GATA5: variants seen among roughly 807,000 people sequenced by gnomAD.
GATA5 encodes the protein GATA binding protein 5.
Under a neutral mutation model 35.0 loss-of-function variants are expected in GATA5, and 27 were observed. The ratio of observed to expected loss-of-function variants is 0.77; its 90% CI spans 0.57 to 1.06. GATA5 has a LOEUF of 1.06. Ranked by LOEUF, GATA5 falls within the 50% of genes least tolerant of loss-of-function variation. GATA5 has a pLI of 0.00. For missense variants in GATA5, 612 were observed against 580.0 expected (o/e 1.06, Z -0.57); for synonymous variants, 306 against 267.8 (o/e 1.14, Z -1.39).
At chr20:62,465,257 G>C (rs6421437) in intron 6 of GATA5, 83 bp downstream of exon 6, 18 of 1,413,488 alleles carry the variant, frequency 1.3e-5, no homozygotes, top group Non-Finnish European at 9.4e-7. Context: ...AAGAGGCTCC[G>C]AGGGGCTCTG....
At chr20:62,469,584 C>T (rs1555896386) in intron 3 of GATA5, among the ~76,000 whole-genome samples, 3 of 152,256 alleles carry the variant, frequency 2.0e-5, no homozygotes, top group South Asian at 2.1e-4. Context: ...GCGCGCAGGA[C>T]GTGCGTGGGT....
chr20:62,465,119 T>C, intron 6 of GATA5, 128 bp from the exon 7 acceptor site: 1 of 910,602 alleles, frequency 1.1e-6, no homozygotes, highest in Non-Finnish European at 1.6e-6. Flanking sequence ...CCTGATGCCC[T>C]GGAATGGCAT....
At chr20:62,471,448 T>TTTG (rs1216745509) in intron 3 of GATA5, among the ~76,000 whole-genome samples, 1 of 142,274 alleles carries the variant, frequency 7.0e-6, no homozygotes, top group Non-Finnish European at 1.5e-5. Flanking sequence ...TTTTTTTTTT[T>TTTG]TGTGATGAGG....
At position 62,470,233 on chromosome 20, in the gene GATA5, A is replaced by G. The variant is rs1989690174; in HGVS notation, c.699+3170T>C. ...AAATTCAAGGAAGGCGGGAGAGGGA[A>G]GGAGGTTCGAGCCTGGCTTGGAGGG... is the stretch of plus-strand genomic sequence containing the variant. On this transcript the variant is annotated intron_variant, in intron 3 of 6. Coordinates refer to ENST00000252997, the MANE Select transcript of GATA5 (RefSeq NM_080473.5). The surrounding 1 kb of genome is among the most constrained non-coding windows in gnomAD (Gnocchi z 4.6). Among the ~76,000 whole-genome samples, 2 of 152,206 alleles carry G rather than the reference A, an allele frequency of 1.3e-5. No individual in the cohort carries two copies. The highest frequency in any genetic ancestry group is 4.1e-4 in the South Asian group (2 of 4,836).
chr20:62,474,199 A>G (rs1347995058), intron 2 of GATA5, among the ~76,000 whole-genome samples: 2 of 152,156 alleles, frequency 1.3e-5, no homozygotes, highest in African/African-American at 4.8e-5. Context: ...GGCTTCGCAC[A>G]CTGTGCGGCT....
In GATA5 at chr20:62,471,432, A is replaced by ATTTTTTTTTT. The variant is rs574764628; in HGVS notation, c.699+1961_699+1970dup. 4.5e-3 allele frequency among the ~76,000 whole-genome samples: 365 copies of ATTTTTTTTTT among 81,734 alleles called. 63 individuals carry two copies. The highest frequency in any genetic ancestry group is 0.022 in the South Asian group (45 of 2,040). 53.6% of individuals were successfully genotyped at this position (81,734 alleles called of 152,430 possible). A position where few individuals can be genotyped will look rare whatever the true frequency, so the allele number is the denominator to read the frequency against. On this transcript the variant is annotated intron_variant, in intron 3 of 6. Coordinates refer to ENST00000252997, the MANE Select transcript of GATA5 (RefSeq NM_080473.5). ...TAAAGAGAAGTTAATTTCAATTACA[A>ATTTTTTTTTT]TTTTTTTTTTTTTTTTTGTGATGAG...
At chr20:62,473,257 T>C (rs1443919597) in intron 3 of GATA5, 146 bp downstream of exon 3, 8 of 842,134 alleles carry the variant, frequency 9.5e-6, no homozygotes, top group Non-Finnish European at 1.5e-5. Context: ...CGGCCTGACC[T>C]GACCCACCGG....
chr20:62,469,904 C>T lies in GATA5; in HGVS notation c.700-3353G>A, dbSNP rs1309657865. ...CCCTCGGCCAGGTACTTAGGGGACA[C>T]GCTCCCAGCAGCTTGCCCGCGCTGG... On this transcript the variant is annotated intron_variant, in intron 3 of 6. Transcript: ENST00000252997. 4.6e-5 allele frequency among the ~76,000 whole-genome samples: 7 copies of T among 152,266 alleles called. No individual in the cohort carries two copies. In the South Asian group the frequency reaches 1.2e-3, roughly 27 times the overall value.
At chr20:62,471,287 C>T (rs1555896506) in intron 3 of GATA5, among the ~76,000 whole-genome samples, 1 of 151,948 alleles carries the variant, frequency 6.6e-6, no homozygotes. Context: ...GAGGGGCAGC[C>T]CTTTGCATGG....
intron 3 of GATA5, among the ~76,000 whole-genome samples, chr20:62,471,433 T>TA (rs1989719515): frequency 2.5e-5 from 2 of 80,354 alleles, no homozygotes; most frequent in Non-Finnish European, 4.8e-5. Context: ...TCAATTACAA[T>TA]TTTTTTTTTT....
chr20:62,467,562 A>G (rs893593612), intron 3 of GATA5, among the ~76,000 whole-genome samples: 1 of 151,982 alleles, frequency 6.6e-6, no homozygotes, highest in Admixed American at 6.5e-5. Context: ...CCCTGACCCC[A>G]TCGGTCCCCT....
intron 2 of GATA5, 111 bp downstream of exon 2, chr20:62,474,888 C>T (rs1989813499): frequency 6.2e-6 from 6 of 967,012 alleles, no homozygotes; most frequent in Admixed American, 4.3e-5. Flanking sequence ...TCGCTCCTGG[C>T]AGGGAGGCTC....
Position 62,474,988 on chromosome 20 carries a change from C to G in GATA5, c.523+11G>C. On this transcript the variant is annotated intron_variant, in intron 2 of 6. Coordinates refer to ENST00000252997, the MANE Select transcript of GATA5 (RefSeq NM_080473.5). ...TCCTGGGCCCCGAGACTGTGGAGCC[C>G]CCGCACTCACCGAAGGTGGGCCTGC... 1 of 1,316,494 alleles carries G rather than the reference C, an allele frequency of 7.6e-7. No individual in the cohort carries two copies. Among genetic ancestry groups the G allele is most frequent in the Non-Finnish European group, 9.7e-7 (1 of 1,029,846 alleles). The allele number at this position is 1,316,494 out of a possible 1,614,324, so 81.6% of individuals were successfully genotyped here.
intron 2 of GATA5, among the ~76,000 whole-genome samples, chr20:62,474,510 A>G (rs1456676186): frequency 3.3e-5 from 5 of 152,176 alleles, no homozygotes; most frequent in African/African-American, 1.2e-4. Flanking sequence ...CTTCGCCAGA[A>G]AGTGACTACG....
chr20:62,474,258 G>A (rs1290511039), intron 2 of GATA5, among the ~76,000 whole-genome samples: 1 of 152,204 alleles, frequency 6.6e-6, no homozygotes, highest in Non-Finnish European at 1.5e-5. Flanking sequence ...CGGCGCCGGC[G>A]CGAGGGAGGC....
chr20:62,466,366 C>G, intron 4 of GATA5, 60 bp downstream of exon 4: 2 of 1,503,490 alleles, frequency 1.3e-6, no homozygotes, highest in Non-Finnish European at 1.8e-6. Flanking sequence ...AGAGTGCGGA[C>G]GGCGCTCGCT....
At chr20:62,465,272 G>T in intron 6 of GATA5, 68 bp downstream of exon 6, 1 of 1,501,590 alleles carries the variant, frequency 6.7e-7, no homozygotes, top group Non-Finnish European at 8.9e-7. Context: ...GCTCTGATGG[G>T]ATCTGACTTG....
chr20:62,475,155 G>A lies in GATA5; in HGVS notation c.367C>T (p.Arg123Ter). Residue 123 changes from arginine (R) to a stop codon, truncating the protein, a stop_gained, in exon 2 of 7, where the codon CGA becomes TGA. Coordinates refer to ENST00000252997, the MANE Select transcript of GATA5 (RefSeq NM_080473.5). LOFTEE classifies it high-confidence loss of function. The stretch of plus-strand genomic sequence containing the variant: ...CCAAGCGGGGCCGCGAACTGTTCTC[G>A]AGGCAACAGCGCGCCCTGGTAGGCA... Reference protein sequence around the residue: ...GSAYQGALLPREQFAAPLGRP... With the variant: ...GSAYQGALLP 2.3e-6 allele frequency: 3 copies of A among 1,319,400 alleles called. No individual in the cohort carries two copies. Among genetic ancestry groups the A allele is most frequent in the Non-Finnish European group, 2.9e-6 (3 of 1,030,576 alleles). The allele number at this position is 1,319,400 out of a possible 1,614,324, so 81.7% of individuals were successfully genotyped here. A position where few individuals can be genotyped will look rare whatever the true frequency, so the allele number is the denominator to read the frequency against.
intron 3 of GATA5, among the ~76,000 whole-genome samples, chr20:62,467,033 C>T (rs115021594): frequency 0.026 from 3,938 of 152,314 alleles, 169 homozygotes; most frequent in African/African-American, 0.087. Flanking sequence ...CTGAGGGCTC[C>T]GGGTCCCACC....
Sources: allele counts gnomAD v4.1 joint callset (sites outside exome capture counted in the v4.1 genomes callset), GRCh38; gene constraint gnomAD v4.1.1; non-coding constraint Gnocchi (gnomAD v3.1); transcripts MANE v1.5; gene names NCBI Gene and HGNC (gene_info 2026-07-23, HGNC 2026-07-21).